HPGDS: variants seen among roughly 807,000 people sequenced by gnomAD.
The protein encoded by HPGDS is GST class-sigma.
HPGDS carries 26 observed loss-of-function variants against 23.1 expected under a neutral mutation model. That is an observed-to-expected ratio of 1.13 (90% CI 0.83 to 1.56). HPGDS has a LOEUF of 1.56. HPGDS is among the 40% of genes most tolerant of loss of function. The pLI, the probability that HPGDS is intolerant of heterozygous loss-of-function variation, is 0.00. For missense variants in HPGDS, 268 were observed against 236.4 expected (o/e 1.13, Z -0.88); for synonymous variants, 95 against 77.9 (o/e 1.22, Z -1.16).
chr4:94,319,214 C>T (rs1756455912), intron 2 of HPGDS, among the ~76,000 whole-genome samples: 2 of 152,156 alleles, frequency 1.3e-5, no homozygotes, highest in Admixed American at 1.3e-4. Context: ...TTTGGGTGCA[C>T]ATATATTTAC....
At chr4:94,302,468 C>T (rs1756062588) in intron 4 of HPGDS, among the ~76,000 whole-genome samples, 1 of 151,978 alleles carries the variant, frequency 6.6e-6, no homozygotes, top group South Asian at 2.1e-4. Flanking sequence ...AGTTTTGTGT[C>T]ACCAGTTCTT....
chr4:94,319,524 A>G (rs960359715), intron 2 of HPGDS, among the ~76,000 whole-genome samples: 3 of 152,198 alleles, frequency 2.0e-5, no homozygotes, highest in Non-Finnish European at 4.4e-5. Flanking sequence ...TCATTGATAG[A>G]TAAAGGCTTA....
At chr4:94,319,062 C>T (rs945238229) in intron 2 of HPGDS, among the ~76,000 whole-genome samples, 3 of 152,094 alleles carry the variant, frequency 2.0e-5, no homozygotes, top group South Asian at 2.1e-4. Context: ...TGGTCTCTAG[C>T]GCAGATTCAG....
intron 2 of HPGDS, among the ~76,000 whole-genome samples, chr4:94,327,205 G>A (rs1434387920): frequency 1.3e-5 from 2 of 152,078 alleles, no homozygotes; most frequent in African/African-American, 2.4e-5. Flanking sequence ...GAGTCCCAAT[G>A]ACAGTGGCAA....
intron 4 of HPGDS, among the ~76,000 whole-genome samples, 163 bp downstream of exon 4, chr4:94,308,471 C>T (rs1242634661): frequency 1.3e-5 from 2 of 151,970 alleles, no homozygotes; most frequent in Non-Finnish European, 2.9e-5. Flanking sequence ...TGAAGGGGTA[C>T]AATAGGGAAT....
At chr4:94,299,718 A>T (rs984283234) in intron 5 of HPGDS, 74 bp from the exon 6 acceptor site, 1 of 1,333,512 alleles carries the variant, frequency 7.5e-7, no homozygotes, top group Non-Finnish European at 1.0e-6. Context: ...AATTGAAATT[A>T]GTTTCTTAAT....
At position 94,313,640 on chromosome 4, in the gene HPGDS, A is replaced by G. The variant is rs566854449; in HGVS notation, c.226+4233T>C. ...CTTGGAGTTGCTCTTCTCGAGGAGTATCTTTGTGGCGTTCTCTGTATTTCC... is the reference window on the plus strand; with the variant it reads ...CTTGGAGTTGCTCTTCTCGAGGAGTGTCTTTGTGGCGTTCTCTGTATTTCC... On this transcript the variant is annotated intron_variant, in intron 3 of 5. Coordinates refer to ENST00000295256, the MANE Select transcript of HPGDS (RefSeq NM_014485.3). 5.3e-5 allele frequency among the ~76,000 whole-genome samples: 8 copies of G among 152,180 alleles called. 1 individual carries two copies. In the East Asian group the frequency reaches 5.8e-4, roughly 11 times the overall value.
intron 1 of HPGDS, among the ~76,000 whole-genome samples, chr4:94,335,543 C>G (rs2126046106): frequency 6.6e-6 from 1 of 152,212 alleles, no homozygotes; most frequent in South Asian, 2.1e-4. Flanking sequence ...TGGGCTTTGG[C>G]CAGTTAAAAT....
chr4:94,323,141 T>A (rs1756552010), intron 2 of HPGDS, among the ~76,000 whole-genome samples: 1 of 152,192 alleles, frequency 6.6e-6, no homozygotes, highest in African/African-American at 2.4e-5. Flanking sequence ...TTTGTTGTGA[T>A]TTCTGTTCTT....
At chr4:94,309,050 CTTTTTTT>C (rs34427506) in intron 3 of HPGDS, among the ~76,000 whole-genome samples, 12 of 31,028 alleles carry the variant, frequency 3.9e-4, no homozygotes, top group Admixed American at 1.7e-3. Flanking sequence ...GGTGTACTTG[CTTTTTTT>C]TTTTTTTTTT....
chr4:94,299,611 T>C lies in HPGDS; in HGVS notation c.469A>G (p.Ser157Gly), dbSNP rs1281836701. Residue 157 changes from serine (S) to glycine (G), a missense_variant, in exon 6 of 6, where the codon AGT becomes GGT. By Grantham distance (56) the Ser-to-Gly change is moderately conservative. Coordinates refer to ENST00000295256, the MANE Select transcript of HPGDS (RefSeq NM_014485.3). ...GGCTTAAAGACCAAAAGTGTGGTACTGCAAATCTCCCAGTAGAAGTCTGCC... is the reference window on the plus strand; with the variant it reads ...GGCTTAAAGACCAAAAGTGTGGTACCGCAAATCTCCCAGTAGAAGTCTGCC... ...TWADFYWEIC[S>G]TTLLVFKPDL... 6.2e-7 allele frequency: 1 copy of C among 1,614,058 alleles called. No homozygotes were observed. Among genetic ancestry groups the C allele is most frequent in the Non-Finnish European group, 8.5e-7 (1 of 1,179,960 alleles).
intron 3 of HPGDS, among the ~76,000 whole-genome samples, chr4:94,312,266 G>C (rs986581252): frequency 2.0e-5 from 3 of 152,034 alleles, no homozygotes; most frequent in African/African-American, 7.2e-5. Context: ...GCTTTCTCTT[G>C]TGGGCATTTA....
At chr4:94,333,761 G>A (rs541988273) in intron 2 of HPGDS, among the ~76,000 whole-genome samples, 1 of 152,238 alleles carries the variant, frequency 6.6e-6, no homozygotes, top group South Asian at 2.1e-4. Context: ...AAAGCTAACA[G>A]GCAAAATTTA....
At chr4:94,335,047 C>A (rs1400655481) in intron 1 of HPGDS, among the ~76,000 whole-genome samples, 4 of 152,174 alleles carry the variant, frequency 2.6e-5, no homozygotes, top group Non-Finnish European at 5.9e-5. Flanking sequence ...TGACACAGCT[C>A]AGAGTTTATG....
At chr4:94,333,839 A>G (rs1398937016) in intron 2 of HPGDS, among the ~76,000 whole-genome samples, 3 of 152,236 alleles carry the variant, frequency 2.0e-5, no homozygotes, top group African/African-American at 7.2e-5. Context: ...AGTAATGTTC[A>G]CCTATTATAT....
At chr4:94,335,519 C>G (rs765720819) in intron 1 of HPGDS, among the ~76,000 whole-genome samples, 2 of 152,130 alleles carry the variant, frequency 1.3e-5, no homozygotes, top group Non-Finnish European at 2.9e-5. Flanking sequence ...ATTTGAAATT[C>G]AATTCTTTGA....
chr4:94,312,217 T>C (rs534999870), intron 3 of HPGDS, among the ~76,000 whole-genome samples: 229 of 152,288 alleles, frequency 1.5e-3, no homozygotes, highest in Middle Eastern at 3.4e-3. Context: ...TCTAGTTCTT[T>C]TAATTGTGAT....
At chr4:94,329,478 T>C (rs183083568) in intron 2 of HPGDS, among the ~76,000 whole-genome samples, 34 of 152,298 alleles carry the variant, frequency 2.2e-4, no homozygotes, top group Non-Finnish European at 4.3e-4. Context: ...ACCTTGGCAC[T>C]CTTCACCTGG....
chr4:94,322,843 A>G (rs1489398353), intron 2 of HPGDS, among the ~76,000 whole-genome samples: 1 of 151,818 alleles, frequency 6.6e-6, no homozygotes, highest in African/African-American at 2.4e-5. Context: ...TAGTTCTCTT[A>G]ATTGGGATGT....
Sources: allele counts gnomAD v4.1 joint callset (sites outside exome capture counted in the v4.1 genomes callset), GRCh38; gene constraint gnomAD v4.1.1; transcripts MANE v1.5; gene names NCBI Gene and HGNC (gene_info 2026-07-23, HGNC 2026-07-21).